Variants in RAP1A observed in about 807,000 individuals in gnomAD.
The protein encoded by RAP1A is ras-related protein Rap-1A.
In RAP1A, 6 loss-of-function variants were observed where a neutral mutation model predicts 26.4. The ratio of observed to expected loss-of-function variants is 0.23; its 90% CI spans 0.12 to 0.45. The LOEUF is 0.45. Among genes scored for constraint, RAP1A ranks in the 20% least tolerant of loss-of-function variants. RAP1A has a pLI of 0.99. For synonymous variants in RAP1A, 73 were observed against 79.4 expected (o/e 0.92, Z 0.43); for missense variants, 121 against 217.2 (o/e 0.56, Z 2.78).
rs1400467274 is a variant in RAP1A at position 111,689,956 on chromosome 1, G to A, written c.-27-1378G>A. ...CTCCCAAAGTGCTGGGATTACAGGC[G>A]TGAGCCACTGCGCCCGGCCTCAGGT... is the stretch of plus-strand genomic sequence containing the variant. On this transcript the variant is annotated intron_variant, in intron 1 of 7. Coordinates refer to ENST00000369709, the MANE Select transcript of RAP1A (RefSeq NM_002884.4). 3.3e-5 allele frequency among the ~76,000 whole-genome samples: 5 copies of A among 152,190 alleles called. No individual in the cohort carries two copies. The South Asian group carries it at 6.2e-4, about 19-fold the overall frequency.
intron 7 of RAP1A, among the ~76,000 whole-genome samples, chr1:111,710,521 G>C (rs1044671351): frequency 6.6e-6 from 1 of 152,150 alleles, no homozygotes; most frequent in African/African-American, 2.4e-5. Context: ...TACTAAACTT[G>C]GTCTCCAGTT....
chr1:111,707,178 G>T (rs1662219629), intron 6 of RAP1A, among the ~76,000 whole-genome samples: 1 of 152,066 alleles, frequency 6.6e-6, no homozygotes, highest in Admixed American at 6.5e-5. Flanking sequence ...AGAAAGAAAA[G>T]AATTTAAATG....
At chr1:111,619,569 C>T (rs1487255336), upstream of RAP1A, among the ~76,000 whole-genome samples, 11 of 152,200 alleles carry the variant, frequency 7.2e-5, no homozygotes, top group African/African-American at 1.2e-4. Flanking sequence ...TCCGGTCTTA[C>T]CCACCTCCCA....
chr1:111,675,972 A>T (rs1001511819), intron 1 of RAP1A, among the ~76,000 whole-genome samples: 3 of 152,206 alleles, frequency 2.0e-5, no homozygotes, highest in African/African-American at 7.2e-5. Context: ...TGTGAGACTT[A>T]TTCACTACCA....
At chr1:111,606,517 G>A (rs954977179) in intron 1 of RAP1A, among the ~76,000 whole-genome samples, 2 of 152,168 alleles carry the variant, frequency 1.3e-5, no homozygotes, top group Non-Finnish European at 2.9e-5. Flanking sequence ...AGCTTTGCAT[G>A]TATCTTGGCA....
At chr1:111,597,868 T>G (rs901709645) in intron 1 of RAP1A, among the ~76,000 whole-genome samples, 1 of 152,204 alleles carries the variant, frequency 6.6e-6, no homozygotes, top group African/African-American at 2.4e-5. Flanking sequence ...GTTTCTACTA[T>G]GTGCTAGCCA....
chr1:111,631,836 C>T (rs564406497), intron 1 of RAP1A, among the ~76,000 whole-genome samples: 1 of 151,494 alleles, frequency 6.6e-6, no homozygotes, highest in Non-Finnish European at 1.5e-5. Flanking sequence ...AAATAAAGAC[C>T]AAACACTTAC....
chr1:111,617,859 C>T (rs1433752600), upstream of RAP1A, among the ~76,000 whole-genome samples: 2 of 151,710 alleles, frequency 1.3e-5, no homozygotes, highest in African/African-American at 2.4e-5. Flanking sequence ...GCCTGGCCAA[C>T]GTGGAGAAAC....
intron 1 of RAP1A, among the ~76,000 whole-genome samples, chr1:111,674,881 G>C (rs1429689265): frequency 6.6e-6 from 1 of 151,978 alleles, no homozygotes; most frequent in Non-Finnish European, 1.5e-5. Context: ...TATTCTCCCT[G>C]CCTCTAGTCT....
intron 4 of RAP1A, among the ~76,000 whole-genome samples, chr1:111,701,196 C>T (rs1662010756): frequency 6.6e-6 from 1 of 152,286 alleles, no homozygotes; most frequent in East Asian, 1.9e-4. Flanking sequence ...GCTATACTCA[C>T]CCACTAGGTA....
rs540171227 is a variant in RAP1A at position 111,683,135 on chromosome 1, A to C, written c.-27-8199A>C. On this transcript the variant is annotated intron_variant, in intron 1 of 7. Coordinates refer to ENST00000369709, the MANE Select transcript of RAP1A (RefSeq NM_002884.4). The stretch of plus-strand genomic sequence containing the variant: ...TTGAAATCAATGAGAACAAAGACAC[A>C]ACGTACCAGAATCTCTGGGACACAG... Among the ~76,000 whole-genome samples, 8 of 152,352 alleles carry C rather than the reference A, an allele frequency of 5.3e-5. No individual in the cohort carries two copies. The South Asian group carries it at 1.7e-3, about 32-fold the overall frequency.
intron 1 of RAP1A, among the ~76,000 whole-genome samples, chr1:111,565,079 G>A (rs1331193780): frequency 2.0e-5 from 3 of 152,164 alleles, no homozygotes; most frequent in South Asian, 2.1e-4. Context: ...GGGAAGAAGC[G>A]AAGCCAATTG....
intron 1 of RAP1A, among the ~76,000 whole-genome samples, chr1:111,560,324 A>G (rs905427106): frequency 4.6e-5 from 7 of 151,872 alleles, no homozygotes; most frequent in Admixed American, 2.6e-4. Flanking sequence ...GCAGAGGTAG[A>G]TGGTCCTGGT....
intron 1 of RAP1A, among the ~76,000 whole-genome samples, chr1:111,592,667 A>G (rs1658491163): frequency 6.6e-6 from 1 of 152,178 alleles, no homozygotes; most frequent in Non-Finnish European, 1.5e-5. Context: ...ACTCTGGGGT[A>G]TGTTTCCAGC....
intron 1 of RAP1A, among the ~76,000 whole-genome samples, chr1:111,683,666 A>C (rs1274041406): frequency 1.3e-5 from 2 of 152,178 alleles, no homozygotes; most frequent in African/African-American, 4.8e-5. Context: ...GAGGCAGTAA[A>C]TAATAGCCTA....
chr1:111,657,216 A>C (rs1307265367), intron 1 of RAP1A, among the ~76,000 whole-genome samples: 1 of 152,222 alleles, frequency 6.6e-6, no homozygotes, highest in Non-Finnish European at 1.5e-5. Flanking sequence ...ATGACACCAG[A>C]AGTGGAACAT....
chr1:111,649,183 T>C, intron 1 of RAP1A: 1 of 530,338 alleles, frequency 1.9e-6, no homozygotes, highest in Admixed American at 2.0e-5. Flanking sequence ...ACGTCCTCGA[T>C]GGTCTTGAAG....
At chr1:111,545,777 G>A (rs58306714) in intron 1 of RAP1A, among the ~76,000 whole-genome samples, 1 of 151,960 alleles carries the variant, frequency 6.6e-6, no homozygotes, top group East Asian at 1.9e-4. Context: ...TTATTTGATC[G>A]ATTTTTACTT....
intron 1 of RAP1A, among the ~76,000 whole-genome samples, chr1:111,651,284 A>G (rs1317153369): frequency 6.6e-6 from 1 of 152,090 alleles, no homozygotes; most frequent in African/African-American, 2.4e-5. Flanking sequence ...ATTCAGAAGT[A>G]TGTCTTTAAG....
Sources: allele counts gnomAD v4.1 joint callset (sites outside exome capture counted in the v4.1 genomes callset), GRCh38; gene constraint gnomAD v4.1.1; transcripts MANE v1.5; gene names NCBI Gene and HGNC (gene_info 2026-07-23, HGNC 2026-07-21).